The following ADGRE3 variants were observed in gnomAD, a reference collection of about 807,000 sequenced individuals.
ADGRE3 encodes the protein EGF-like module receptor 3.
Under a neutral mutation model 80.1 loss-of-function variants are expected in ADGRE3, and 88 were observed. The observed-to-expected ratio is 1.10, with a 90% CI of 0.93 to 1.31. The LOEUF (loss-of-function observed/expected upper bound fraction) is 1.31. Among genes scored for constraint, ADGRE3 ranks in the 40% most tolerant of loss-of-function variants. The pLI is 0.00. For synonymous variants in ADGRE3, 281 were observed against 294.8 expected (o/e 0.95, Z 0.48); for missense variants, 715 against 776.5 (o/e 0.92, Z 0.94).
intron 15 of ADGRE3, among the ~76,000 whole-genome samples, chr19:14,619,855 G>A (rs1420453537): frequency 6.6e-6 from 1 of 152,032 alleles, no homozygotes; most frequent in African/African-American, 2.4e-5. Flanking sequence ...TGTTCTCTTT[G>A]CACCCCACAA....
At chr19:14,608,370 A>C in the ADGRE3 span, among the ~76,000 whole-genome samples, 1 of 152,026 alleles carries the variant, frequency 6.6e-6, no homozygotes, top group Non-Finnish European at 1.5e-5. Flanking sequence ...TTATTTTGGT[A>C]CACCACCCCC....
At chr19:14,665,970 A>ATATG (rs1972093696) in intron 2 of ADGRE3, among the ~76,000 whole-genome samples, 2 of 130,126 alleles carry the variant, frequency 1.5e-5, no homozygotes, top group African/African-American at 5.5e-5. Context: ...ATATATATAT[A>ATATG]TATATATAGT....
At chr19:14,605,055 G>A in the ADGRE3 span, among the ~76,000 whole-genome samples, 1,986 of 152,074 alleles carry the variant, frequency 0.013, 51 homozygotes, top group African/African-American at 0.045. Context: ...AAAATGGGCT[G>A]GGCATGGTGG....
intron 11 of ADGRE3, among the ~76,000 whole-genome samples, chr19:14,635,818 G>A (rs1971021265): frequency 6.6e-6 from 1 of 152,040 alleles, no homozygotes; most frequent in African/African-American, 2.4e-5. Flanking sequence ...ATCTTAAATA[G>A]GTACAGCTTT....
chr19:14,626,571 A>G (rs1158467059), intron 14 of ADGRE3, among the ~76,000 whole-genome samples: 1 of 152,198 alleles, frequency 6.6e-6, no homozygotes, highest in African/African-American at 2.4e-5. Context: ...GTACCCTTCA[A>G]TGTGTCTTGG....
At chr19:14,658,675 G>C (rs1292815353) in intron 4 of ADGRE3, 125 bp from the exon 5 acceptor site, 2 of 440,616 alleles carry the variant, frequency 4.5e-6, no homozygotes, top group Non-Finnish European at 8.2e-6. Context: ...TGAATTCATA[G>C]TCTTTATCTG....
intron 15 of ADGRE3, among the ~76,000 whole-genome samples, chr19:14,620,549 T>TATATATATATATATATA (rs2035582104): frequency 3.9e-4 from 1 of 2,556 alleles, no homozygotes; most frequent in African/African-American, 1.7e-3. Context: ...ATATATATAT[T>TATATATATATATATATA]ATATATATAT....
intron 2 of ADGRE3, 39 bp from the exon 3 acceptor site, chr19:14,663,579 C>A: frequency 6.3e-7 from 1 of 1,592,842 alleles, no homozygotes; most frequent in South Asian, 1.1e-5. Flanking sequence ...GGACTGGGGT[C>A]ACAAACTCTC....
rs750707491 is a variant in ADGRE3 at position 14,628,986 on chromosome 19, G to C, written c.1812+1053C>G. On this transcript the variant is annotated intron_variant, in intron 14 of 15. Coordinates refer to ENST00000253673, the MANE Select transcript of ADGRE3 (RefSeq NM_032571.5). Reference sequence around the variant, plus strand: ...TGCCCAGGCTGGAGTGCAGTGGTGCGATCTCGGCTCACTGCAGCCTCTGCC... The same window carrying C: ...TGCCCAGGCTGGAGTGCAGTGGTGCCATCTCGGCTCACTGCAGCCTCTGCC... 3.0e-4 allele frequency among the ~76,000 whole-genome samples: 46 copies of C among 151,972 alleles called. 2 individuals carry two copies. The highest frequency in any genetic ancestry group is 1.9e-4 in the East Asian group (1 of 5,160).
At position 14,621,651 on chromosome 19, in the gene ADGRE3, G is replaced by T; in HGVS notation, c.1921-2180C>A. 14 of 1,003,106 alleles carry T rather than the reference G, an allele frequency of 1.4e-5. 5 individuals carry two copies. The highest frequency in any genetic ancestry group is 1.8e-5 in the Non-Finnish European group (13 of 713,866). 62.1% of individuals were successfully genotyped at this position (1,003,106 alleles called of 1,614,324 possible). On this transcript the variant is annotated intron_variant, in intron 15 of 15. Transcript: ENST00000253673. ...AGTACTCATTTTCCCTCATACTTCG[G>T]ATTGACCACAGTTGTTACGGCACTC...
At chr19:14,650,364 TTCTCTCTTTCCA>T (rs2146864969) in intron 7 of ADGRE3, among the ~76,000 whole-genome samples, 1 of 123,854 alleles carries the variant, frequency 8.1e-6, no homozygotes, top group Admixed American at 8.1e-5. Context: ...CTCTCTTCCC[TTCTCTCTTTCCA>T]TCTCTCTCCC....
At chr19:14,615,162 T>C (rs2075068068), downstream of ADGRE3, among the ~76,000 whole-genome samples, 1 of 150,274 alleles carries the variant, frequency 6.7e-6, no homozygotes, top group African/African-American at 2.4e-5. Context: ...ATTCCATCTG[T>C]GCCTCCCACT....
intron 4 of ADGRE3, among the ~76,000 whole-genome samples, chr19:14,660,506 T>C (rs1359423549): frequency 6.6e-6 from 1 of 152,014 alleles, no homozygotes; most frequent in Non-Finnish European, 1.5e-5. Flanking sequence ...CTCATACCTA[T>C]AATCTCAGCC....
chr19:14,602,724 G>C, the ADGRE3 span, among the ~76,000 whole-genome samples: 1 of 150,758 alleles, frequency 6.6e-6, no homozygotes, highest in Non-Finnish European at 1.5e-5. Flanking sequence ...AGCATTATTT[G>C]TATGAGTAGT....
chr19:14,633,433 ACGGT>A, intron 11 of ADGRE3, 131 bp from the exon 12 acceptor site: 1 of 614,262 alleles, frequency 1.6e-6, no homozygotes, highest in Non-Finnish European at 2.7e-6. Context: ...CAGGCCAGGC[ACGGT>A]GGCTCACGCC....
intron 7 of ADGRE3, among the ~76,000 whole-genome samples, 169 bp downstream of exon 7, chr19:14,650,916 C>A (rs1056965743): frequency 6.6e-6 from 1 of 152,092 alleles, no homozygotes; most frequent in Non-Finnish European, 1.5e-5. Flanking sequence ...AACAGAAAAC[C>A]TCCATTTTGG....
chr19:14,671,201 T>A (rs534635312), intron 1 of ADGRE3, among the ~76,000 whole-genome samples: 20 of 152,318 alleles, frequency 1.3e-4, no homozygotes, highest in African/African-American at 4.6e-4. Context: ...ATGACTGTAG[T>A]GGCTTAAAAC....
intron 2 of ADGRE3, among the ~76,000 whole-genome samples, chr19:14,666,562 A>G (rs1351056110): frequency 6.6e-6 from 1 of 152,092 alleles, no homozygotes; most frequent in Non-Finnish European, 1.5e-5. Flanking sequence ...TTTTTGGTAG[A>G]GATGGGGTTT....
chr19:14,670,163 T>A (rs1478768226), intron 1 of ADGRE3, among the ~76,000 whole-genome samples: 2 of 152,200 alleles, frequency 1.3e-5, no homozygotes, highest in African/African-American at 4.8e-5. Context: ...TGGTCTCATA[T>A]GATTATAGTC....
Sources: allele counts gnomAD v4.1 joint callset (sites outside exome capture counted in the v4.1 genomes callset), GRCh38; gene constraint gnomAD v4.1.1; transcripts MANE v1.5; gene names NCBI Gene and HGNC (gene_info 2026-07-23, HGNC 2026-07-21).